Variants in CR1 observed in about 807,000 individuals in gnomAD.
CR1 encodes complement C3b/C4b receptor 1 (Knops blood group), also known as complement receptor type 1.
A neutral mutation model predicts 187.3 loss-of-function variants in CR1; 116 were observed. The observed-to-expected ratio is 0.62, with a 90% CI of 0.53 to 0.72. The LOEUF (loss-of-function observed/expected upper bound fraction) is 0.72, where lower values mean the gene tolerates loss of function less well. Ranked by LOEUF, CR1 falls within the 30% of genes least tolerant of loss-of-function variation. The probability of loss-of-function intolerance (pLI) is 0.00; values close to 1 mark genes in which losing one functional copy is unlikely to be tolerated. For missense variants in CR1, 1,731 were observed against 2,110.7 expected (o/e 0.82, Z 3.52); for synonymous variants, 576 against 747.1 (o/e 0.77, Z 3.73).
In CR1 at chr1:207,508,329, A is replaced by G. The variant is rs79016951; in HGVS notation, c.401+1516A>G. Reference sequence around the variant, plus strand: ...ATGATGTGTCAGTGTAGGTTCCTCAATTGCGAAAAACGTACCACCCTGGTG... The same window carrying G: ...ATGATGTGTCAGTGTAGGTTCCTCAGTTGCGAAAAACGTACCACCCTGGTG... On this transcript the variant is annotated intron_variant, in intron 3 of 46. Coordinates refer to ENST00000367049, the MANE Select transcript of CR1 (RefSeq NM_000651.6). 5.8e-4 allele frequency among the ~76,000 whole-genome samples: 88 copies of G among 152,362 alleles called. 1 individual carries two copies. In the East Asian group the frequency reaches 0.014, roughly 24 times the overall value.
At chr1:207,518,805 C>G (rs558940957) in intron 4 of CR1, among the ~76,000 whole-genome samples, 1 of 152,126 alleles carries the variant, frequency 6.6e-6, no homozygotes, top group Non-Finnish European at 1.5e-5. Flanking sequence ...GGTCACAGCT[C>G]GAGATCATTA....
At chr1:207,505,558 G>C in intron 1 of CR1, among the ~76,000 whole-genome samples, 1 of 152,006 alleles carries the variant, frequency 6.6e-6, no homozygotes, top group South Asian at 2.1e-4. Context: ...ATTTCAACAG[G>C]GTCACGGTGG....
intron 45 of CR1, among the ~76,000 whole-genome samples, chr1:207,630,250 G>A (rs12034383): frequency 0.47 from 71,593 of 152,000 alleles, 18,856 homozygotes; most frequent in Non-Finnish European, 0.6. Context: ...AGTGAAATGT[G>A]TTAAGGCATG....
chr1:207,508,197 G>A (rs1659504072), intron 3 of CR1, among the ~76,000 whole-genome samples: 2 of 152,186 alleles, frequency 1.3e-5, no homozygotes, highest in South Asian at 2.1e-4. Context: ...AAACTACTCT[G>A]TATGATGCCA....
chr1:207,519,513 T>G (rs1659908599), intron 4 of CR1, among the ~76,000 whole-genome samples: 1 of 152,200 alleles, frequency 6.6e-6, no homozygotes, highest in South Asian at 2.1e-4. Context: ...CTTGATTTAC[T>G]ATAGTCTGCT....
At chr1:207,507,034 T>C (rs1293866451) in intron 3 of CR1, 3 of 459,878 alleles carry the variant, frequency 6.5e-6, no homozygotes, top group Non-Finnish European at 1.2e-5. Flanking sequence ...AGAGCATATA[T>C]GAAAAGTGTG....
At chr1:207,521,624 CTTTTTTTT>C (rs139203101) in intron 4 of CR1, among the ~76,000 whole-genome samples, 1 of 88,306 alleles carries the variant, frequency 1.1e-5, no homozygotes, top group African/African-American at 4.6e-5. Context: ...TGCCCTCTTC[CTTTTTTTT>C]TTTTTTTTTT....
At chr1:207,628,142 C>T (rs1342704184) in intron 45 of CR1, among the ~76,000 whole-genome samples, 1 of 152,172 alleles carries the variant, frequency 6.6e-6, no homozygotes, top group Admixed American at 6.5e-5. Context: ...TTTCATGTGC[C>T]TTCTCAATCC....
chr1:207,627,828 G>A (rs1330127791), intron 45 of CR1, among the ~76,000 whole-genome samples: 1 of 152,156 alleles, frequency 6.6e-6, no homozygotes, highest in African/African-American at 2.4e-5. Context: ...CAAGGCAACT[G>A]CAAATTCAGT....
At chr1:207,591,346 G>A (rs1661266025) in intron 35 of CR1, among the ~76,000 whole-genome samples, 2 of 152,188 alleles carry the variant, frequency 1.3e-5, no homozygotes, top group Middle Eastern at 3.2e-3. Flanking sequence ...TGCTCTGAAT[G>A]ACTACTGGGT....
chr1:207,591,436 G>A (rs1470874536), intron 35 of CR1, among the ~76,000 whole-genome samples: 1 of 152,172 alleles, frequency 6.6e-6, no homozygotes, highest in East Asian at 1.9e-4. Context: ...GAATCTCTGG[G>A]ACACAGCCAA....
chr1:207,568,293 T>A (rs1660571629), intron 25 of CR1, among the ~76,000 whole-genome samples: 1 of 129,476 alleles, frequency 7.7e-6, no homozygotes, highest in South Asian at 2.8e-4. Flanking sequence ...TCATATGAAT[T>A]AAAAACAGAT....
rs1313800538 is a variant in CR1 at position 207,568,112 on chromosome 1, A to T, written c.4171+70A>T. On this transcript the variant is annotated intron_variant, in intron 25 of 46. Transcript: ENST00000367049. ...AACCCAGCCCCTCCATATTTCCATA[A>T]TTACAGTGTAGTATTTATTTGTATG... 1.2e-5 allele frequency: 20 copies of T among 1,609,944 alleles called. 2 individuals carry two copies. Among genetic ancestry groups the T allele is most frequent in the African/African-American group, 9.7e-5 (7 of 72,132 alleles).
rs555714745 is a variant in CR1, at chr1:207,503,491, C to T, written c.122-2413C>T. Reference sequence around the variant, plus strand: ...CTCCAGGGGAGCAGGGGTTTTCTTGCTCTTTCCAGCTTCCAGGGGCTGCTT... The same window carrying T: ...CTCCAGGGGAGCAGGGGTTTTCTTGTTCTTTCCAGCTTCCAGGGGCTGCTT... On this transcript the variant is annotated intron_variant, in intron 1 of 46. Coordinates refer to ENST00000367049, the MANE Select transcript of CR1 (RefSeq NM_000651.6). 2.6e-5 allele frequency among the ~76,000 whole-genome samples: 4 copies of T among 152,266 alleles called. No homozygotes were observed. The East Asian group carries it at 5.8e-4, about 22-fold the overall frequency.
At chr1:207,519,475 T>C (rs1473805551) in intron 4 of CR1, among the ~76,000 whole-genome samples, 3 of 152,192 alleles carry the variant, frequency 2.0e-5, no homozygotes, top group Non-Finnish European at 4.4e-5. Context: ...TTTTTTATTC[T>C]TAAATGACTA....
intron 1 of CR1, 86 bp downstream of exon 1, chr1:207,496,474 C>A: frequency 7.5e-7 from 1 of 1,330,854 alleles, no homozygotes; most frequent in Non-Finnish European, 9.9e-7. Context: ...CGCTGAGCTG[C>A]GCTGCTCTGC....
chr1:207,593,097 A>AGG (rs1330330532), intron 35 of CR1, among the ~76,000 whole-genome samples: 2 of 150,464 alleles, frequency 1.3e-5, no homozygotes, highest in African/African-American at 2.4e-5. Context: ...AAAAAAAAAA[A>AGG]AAAAAACTAC....
intron 4 of CR1, among the ~76,000 whole-genome samples, chr1:207,513,455 G>A (rs1484862501): frequency 6.6e-6 from 1 of 152,122 alleles, no homozygotes; most frequent in Non-Finnish European, 1.5e-5. Context: ...TCTGGTAAAA[G>A]GTCTGTCTTC....
intron 35 of CR1, among the ~76,000 whole-genome samples, chr1:207,591,665 G>A (rs1661276773): frequency 6.6e-6 from 1 of 152,018 alleles, no homozygotes; most frequent in Non-Finnish European, 1.5e-5. Flanking sequence ...TCCAGGAGCT[G>A]GTTTTTTGAA....
Sources: gnomAD v4.1 joint callset for allele counts (sites outside exome capture counted in the v4.1 genomes callset) on GRCh38, gnomAD v4.1.1 for gene constraint, MANE v1.5 for transcripts, NCBI Gene and HGNC (gene_info 2026-07-23, HGNC 2026-07-21) for gene names.